Variants in CHD9 observed in about 807,000 individuals in gnomAD.
CHD9 encodes the protein ATP-dependent chromatin remodeler CHD9.
CHD9 carries 77 observed loss-of-function variants against 316.1 expected under a neutral mutation model. The ratio of observed to expected loss-of-function variants is 0.24; its 90% CI spans 0.20 to 0.29. CHD9 has a LOEUF of 0.29. Among genes scored for constraint, CHD9 ranks in the 10% least tolerant of loss-of-function variants. CHD9 has a pLI of 1.00. For synonymous variants in CHD9, 1,129 were observed against 1,158.3 expected (o/e 0.97, Z 0.51); for missense variants, 2,763 against 3,438.1 (o/e 0.80, Z 4.91).
At chr16:53,296,249 G>T (rs1249785526) in intron 29 of CHD9, among the ~76,000 whole-genome samples, 4 of 151,950 alleles carry the variant, frequency 2.6e-5, no homozygotes, top group Non-Finnish European at 4.4e-5. Context: ...AAATGTGTTT[G>T]ATTTTATCTT....
chr16:53,287,687 A>G (rs1386132672), intron 26 of CHD9, among the ~76,000 whole-genome samples: 1 of 152,194 alleles, frequency 6.6e-6, no homozygotes, highest in East Asian at 1.9e-4. Flanking sequence ...AGATTGTGCC[A>G]CCGCACTCCG....
intron 17 of CHD9, 140 bp downstream of exon 17, chr16:53,250,206 TAGGTG>T: frequency 1.6e-6 from 1 of 628,128 alleles, no homozygotes; most frequent in Non-Finnish European, 2.6e-6. Context: ...CCAAATAAAA[TAGGTG>T]AAGTTATTTT....
chr16:53,095,669 A>G (rs1462545728), intron 1 of CHD9, among the ~76,000 whole-genome samples: 3 of 152,244 alleles, frequency 2.0e-5, no homozygotes, highest in Non-Finnish European at 4.4e-5. Context: ...GCATTCAGCT[A>G]CGGTCCACTT....
chr16:53,320,027 A>G (rs961136864), intron 37 of CHD9: 1 of 284,124 alleles, frequency 3.5e-6, no homozygotes, highest in African/African-American at 2.3e-5. Flanking sequence ...AAATAGAAGG[A>G]GCTGGGGATG....
chr16:53,099,477 G>A (rs2036651721), intron 1 of CHD9, among the ~76,000 whole-genome samples: 1 of 152,014 alleles, frequency 6.6e-6, no homozygotes, highest in South Asian at 2.1e-4. Flanking sequence ...GTTCTGAGCT[G>A]GGAGTGGTTT....
chr16:53,327,095 T>C lies in CHD9; in HGVS notation c.*2200T>C, dbSNP rs1255215643. The C allele has an allele frequency of 6.6e-6, 1 of 152,458 alleles. No homozygotes were observed. The allele number at this position is 152,458 out of a possible 1,614,324, so 9.4% of individuals were successfully genotyped here. A position where few individuals can be genotyped will look rare whatever the true frequency, so the allele number is the denominator to read the frequency against. On this transcript the variant is annotated 3_prime_UTR_variant, in exon 39 of 39. Transcript: ENST00000447540. Reference sequence around the variant, plus strand: ...TCAAGACACTTCTATTTAATATTCATTGGGGAAAAGTTGTCCAGCTATCAG... The same window carrying C: ...TCAAGACACTTCTATTTAATATTCACTGGGGAAAAGTTGTCCAGCTATCAG...
intron 34 of CHD9, among the ~76,000 whole-genome samples, chr16:53,314,034 T>TA (rs993799899): frequency 5.3e-5 from 8 of 152,068 alleles, no homozygotes; most frequent in Non-Finnish European, 5.9e-5. Flanking sequence ...TGATTTTTTT[T>TA]AAAAAAACAA....
intron 22 of CHD9, 72 bp downstream of exon 22, chr16:53,268,198 A>T: frequency 9.9e-7 from 1 of 1,011,462 alleles, no homozygotes; most frequent in South Asian, 1.8e-5. Flanking sequence ...ATATTCTCCT[A>T]TAAAATATAA....
chr16:53,263,383 G>T (rs1245952732), intron 20 of CHD9, among the ~76,000 whole-genome samples: 2 of 151,812 alleles, frequency 1.3e-5, no homozygotes, highest in African/African-American at 4.8e-5. Context: ...CAAATCATGG[G>T]TTACATTTAT....
rs768806714 is a variant in CHD9 at position 53,231,664 on chromosome 16, A to T, written c.2391A>T (p.Leu797Phe). ...KDTGEPVIYY[L>F]VKWCSLPYED... ...TTTTACAGCCTGTTATTTACTACTT[A>T]GTAAAATGGTGCTCATTGCCATATG... Residue 797 changes from leucine to phenylalanine, a missense_variant, in exon 10 of 39, where the codon TTA (leucine) becomes TTT (phenylalanine). Physicochemically the swap from Leu to Phe is conservative, Grantham distance 22. Around this residue, in one of 15 missense-constraint regions of CHD9, gnomAD observed 186 missense variants for 245.0 expected, o/e 0.76. Coordinates refer to ENST00000447540, the MANE Select transcript of CHD9 (RefSeq NM_001308319.2). The T allele has an allele frequency of 6.3e-7, 1 of 1,590,418 alleles. No homozygotes were observed. Among genetic ancestry groups the T allele is most frequent in the Non-Finnish European group, 8.6e-7 (1 of 1,169,394 alleles).
At position 53,249,299 on chromosome 16, in the gene CHD9, G is replaced by A. The variant is rs530645078; in HGVS notation, c.3666-572G>A. ...AGAGTCCAAGCTCCTAAATTTTTAT[G>A]TATTTTATTTTTATTTGATGTCTTG... On this transcript the variant is annotated intron_variant, in intron 16 of 38. Transcript: ENST00000447540. Among the ~76,000 whole-genome samples the A allele has an allele frequency of 6.6e-5, 10 of 152,182 alleles. No individual in the cohort carries two copies. The Middle Eastern group carries it at 0.01, about 155-fold the overall frequency.
intron 3 of CHD9, among the ~76,000 whole-genome samples, chr16:53,218,691 T>C (rs1432628318): frequency 1.3e-5 from 2 of 152,184 alleles, no homozygotes; most frequent in African/African-American, 4.8e-5. Context: ...CATCAGAATG[T>C]GCATTCACGT....
intron 1 of CHD9, among the ~76,000 whole-genome samples, chr16:53,112,848 T>G (rs1168194658): frequency 6.6e-6 from 1 of 151,948 alleles, no homozygotes; most frequent in Non-Finnish European, 1.5e-5. Context: ...AGACCCCATC[T>G]CTACAAAAAT....
intron 1 of CHD9, among the ~76,000 whole-genome samples, chr16:53,149,717 T>A (rs939177176): frequency 7.4e-6 from 1 of 135,014 alleles, no homozygotes; most frequent in African/African-American, 2.7e-5. Flanking sequence ...CTGGCTAATT[T>A]AAAAATATAT....
chr16:53,266,920 A>G lies in CHD9; in HGVS notation c.4321-374A>G, dbSNP rs201796957. On this transcript the variant is annotated intron_variant, in intron 20 of 38. Coordinates refer to ENST00000447540, the MANE Select transcript of CHD9 (RefSeq NM_001308319.2). ...TTTACCTTTAGAATAAACTTAAGCCACAAAGATTTACTTTAGCATTATTTA... is the reference window on the plus strand; with the variant it reads ...TTTACCTTTAGAATAAACTTAAGCCGCAAAGATTTACTTTAGCATTATTTA... 3.0e-4 allele frequency among the ~76,000 whole-genome samples: 46 copies of G among 152,312 alleles called. No individual in the cohort carries two copies. The East Asian group carries it at 7.9e-3, about 26-fold the overall frequency.
At chr16:53,132,968 C>T (rs2039441257) in intron 1 of CHD9, among the ~76,000 whole-genome samples, 1 of 151,946 alleles carries the variant, frequency 6.6e-6, no homozygotes, top group South Asian at 2.1e-4. Flanking sequence ...GCCACCACGC[C>T]CGGCCGTTTC....
rs1311464355 is a variant in CHD9 at position 53,326,936 on chromosome 16, A to G, written c.*2041A>G. ...CTAAAATCTAATTTATATCAAATTT[A>G]TGAGAGAAAGTATTTTCCTAATTAT... On this transcript the variant is annotated 3_prime_UTR_variant, in exon 39 of 39. Transcript: ENST00000447540. 2.0e-5 allele frequency: 3 copies of G among 152,218 alleles called. No individual in the cohort carries two copies. The highest frequency in any genetic ancestry group is 6.6e-5 in the Admixed American group (1 of 15,218). 9.4% of individuals were successfully genotyped at this position (152,218 alleles called of 1,614,324 possible).
chr16:53,135,567 G>A (rs958071520), intron 1 of CHD9, among the ~76,000 whole-genome samples: 1 of 152,132 alleles, frequency 6.6e-6, no homozygotes, highest in African/African-American at 2.4e-5. Context: ...TTCCTGGCTT[G>A]AGAAACTAGA....
At chr16:53,210,744 A>C (rs1451329574) in intron 3 of CHD9, among the ~76,000 whole-genome samples, 2 of 152,102 alleles carry the variant, frequency 1.3e-5, no homozygotes, top group Admixed American at 1.3e-4. Flanking sequence ...TTGATATATT[A>C]TATAGATATT....
Sources: gnomAD v4.1 joint callset for allele counts (sites outside exome capture counted in the v4.1 genomes callset) on GRCh38, gnomAD v4.1.1 for gene constraint, gnomAD v4.1.1 regional missense constraint, MANE v1.5 for transcripts, NCBI Gene and HGNC (gene_info 2026-07-23, HGNC 2026-07-21) for gene names.